The following MAOA variants were observed in gnomAD, a reference collection of about 807,000 sequenced individuals.
MAOA encodes the protein monoamine oxidase A.
A neutral mutation model predicts 42.0 loss-of-function variants in MAOA; 6 were observed. The observed-to-expected ratio is 0.14, with a 90% CI of 0.08 to 0.28. The LOEUF (loss-of-function observed/expected upper bound fraction) is 0.28. MAOA is among the 10% of genes least tolerant of loss of function. The pLI is 1.00. For missense variants in MAOA, 262 were observed against 422.3 expected (o/e 0.62, Z 3.33); for synonymous variants, 140 against 154.0 (o/e 0.91, Z 0.67).
chrX:43,720,052 G>A (rs1274297309), intron 5 of MAOA, among the ~76,000 whole-genome samples: 1 of 110,486 alleles, frequency 9.1e-6, no homozygotes, highest in African/African-American at 3.3e-5. Context: ...GGCACTGCGG[G>A]GAGACAGGGA....
At chrX:43,693,519 C>G in intron 3 of MAOA, 91 bp downstream of exon 3, 1 of 1,007,922 alleles carries the variant, frequency 9.9e-7, no homozygotes, top group Non-Finnish European at 1.4e-6. Flanking sequence ...TCTTTCAAAG[C>G]AATTGTAAAA....
At position 43,732,772 on chromosome X, in the gene MAOA, T is replaced by C. The variant is rs1157170754; in HGVS notation, c.1029T>C (p.Asp343=). The change falls in exon 9 of 15, where the codon GAT becomes GAC. Residue 343 remains aspartate (D), a synonymous_variant. Transcript: ENST00000338702. ...TAACCTTGGATGACACCAAGCCAGA[T>C]GGGTCACTGCCTGCCATCATGGGGT... ...ISITLDDTKP[D]GSLPAIMGFI... is the part of the protein sequence containing the mutation. 1 of 1,206,255 alleles carries C rather than the reference T, an allele frequency of 8.3e-7. No homozygotes were observed. Among genetic ancestry groups the C allele is most frequent in the Non-Finnish European group, 1.1e-6 (1 of 890,627 alleles).
rs1447129567 is a variant in MAOA at position 43,679,048 on chromosome X, A to T, written c.74-4465A>T. ...AAACCTTAACCCTTCAAATTCTAAG[A>T]CCTTTTAGAAACCATTTATCTGAAA... On this transcript the variant is annotated intron_variant, in intron 1 of 14. Coordinates refer to ENST00000338702, the MANE Select transcript of MAOA (RefSeq NM_000240.4). Among the ~76,000 whole-genome samples the T allele has an allele frequency of 4.5e-5, 5 of 111,623 alleles. No individual in the cohort carries two copies. The South Asian group carries it at 1.1e-3, about 25-fold the overall frequency.
chrX:43,732,834 G>A, intron 9 of MAOA, 39 bp downstream of exon 9: 1 of 940,669 alleles, frequency 1.1e-6, no homozygotes, highest in Non-Finnish European at 1.5e-6. Flanking sequence ...TCCAAATTGT[G>A]TTGATGTATT....
At chrX:43,692,616 TA>T (rs1399544319) in intron 2 of MAOA, among the ~76,000 whole-genome samples, 1,033 of 100,492 alleles carry the variant, frequency 0.01, 14 homozygotes, top group African/African-American at 0.033. Flanking sequence ...CTTTATTTAT[TA>T]AAAAAAAAAA....
chrX:43,660,812 C>T (rs1443708083), intron 1 of MAOA, among the ~76,000 whole-genome samples: 1 of 111,782 alleles, frequency 8.9e-6, no homozygotes, highest in African/African-American at 3.3e-5. Flanking sequence ...TACTCATGAG[C>T]TGCCACAGAT....
intron 2 of MAOA, among the ~76,000 whole-genome samples, chrX:43,685,097 C>T (rs1029838645): frequency 7.3e-5 from 8 of 109,969 alleles, no homozygotes; most frequent in Admixed American, 3.9e-4. Flanking sequence ...AGGCTTGTTG[C>T]GAACTCCTGA....
At chrX:43,690,703 T>C (rs746844937) in intron 2 of MAOA, among the ~76,000 whole-genome samples, 1 of 111,679 alleles carries the variant, frequency 9.0e-6, no homozygotes, top group South Asian at 3.7e-4. Flanking sequence ...TCATATCATA[T>C]GGATAGCTTA....
chrX:43,715,064 G>T (rs1424318226), intron 5 of MAOA, among the ~76,000 whole-genome samples: 2 of 110,622 alleles, frequency 1.8e-5, no homozygotes, highest in African/African-American at 6.6e-5. Context: ...ATGGGGTGAG[G>T]GAGATGGTCT....
At chrX:43,696,102 G>A (rs1368223523) in intron 3 of MAOA, among the ~76,000 whole-genome samples, 3 of 111,817 alleles carry the variant, frequency 2.7e-5, no homozygotes, top group African/African-American at 9.8e-5. Context: ...ATGAACTAAT[G>A]GAAAGACTTA....
intron 3 of MAOA, among the ~76,000 whole-genome samples, chrX:43,708,456 A>ATCT (rs2033673500): frequency 9.0e-6 from 1 of 110,686 alleles, no homozygotes; most frequent in Non-Finnish European, 1.9e-5. Flanking sequence ...GCCAAAAGAC[A>ATCT]TCTTCCAGGC....
At chrX:43,656,991 A>C (rs1295564834) in intron 1 of MAOA, among the ~76,000 whole-genome samples, 14 of 107,164 alleles carry the variant, frequency 1.3e-4, no homozygotes, top group Non-Finnish European at 1.9e-5. Context: ...TTTCCGTAGA[A>C]AATTTAGTAG....
chrX:43,693,489 G>C (rs1423816699), intron 3 of MAOA, 61 bp downstream of exon 3: 1 of 1,149,876 alleles, frequency 8.7e-7, no homozygotes. Context: ...GAAAACATTT[G>C]GTTTGTTTTT....
intron 5 of MAOA, among the ~76,000 whole-genome samples, chrX:43,727,313 G>T (rs1334935839): frequency 1.8e-5 from 2 of 112,102 alleles, no homozygotes; most frequent in Non-Finnish European, 3.8e-5. Context: ...GGAGATGGGG[G>T]TTTTATCTAT....
At chrX:43,693,029 T>G (rs2033548973) in intron 2 of MAOA, among the ~76,000 whole-genome samples, 1 of 111,763 alleles carries the variant, frequency 8.9e-6, no homozygotes, top group Non-Finnish European at 1.9e-5. Flanking sequence ...ACTACAGTGT[T>G]CTTTATCTTT....
chrX:43,711,985 T>C lies in MAOA; in HGVS notation c.411+9T>C. On this transcript the variant is annotated intron_variant, in intron 4 of 14. Coordinates refer to ENST00000338702, the MANE Select transcript of MAOA (RefSeq NM_000240.4). ...ATAACATGGGGAAGGAGGTAAAATG[T>C]GTGTTCAGTTTGCACATGACCCATT... The C allele has an allele frequency of 9.0e-7, 1 of 1,107,693 alleles. No homozygotes were observed. Among genetic ancestry groups the C allele is most frequent in the Non-Finnish European group, 1.2e-6 (1 of 800,908 alleles). 91.3% of individuals were successfully genotyped at this position (1,107,693 alleles called of 1,213,427 possible).
At chrX:43,719,305 G>A (rs1418834918) in intron 5 of MAOA, among the ~76,000 whole-genome samples, 2 of 111,143 alleles carry the variant, frequency 1.8e-5, no homozygotes, top group East Asian at 5.8e-4. Flanking sequence ...TGGCAGTAGT[G>A]GGGGTGGAGA....
Position 43,656,389 on chromosome X carries a change from A to T in MAOA, c.48A>T (p.Val16=), listed in dbSNP as rs1479640416. ...GTATCGCGGGCCACATGTTCGACGT[A>T]GTCGTGATCGGAGGTGGCATTTCAG... ...KASIAGHMFD[V]VVIGGGISGL... is the part of the protein sequence containing the mutation. Residue 16 remains valine (V), a synonymous_variant, in exon 1 of 15, where the codon GTA becomes GTT. Coordinates refer to ENST00000338702, the MANE Select transcript of MAOA (RefSeq NM_000240.4). The T allele has an allele frequency of 4.1e-6, 5 of 1,210,233 alleles. No individual in the cohort carries two copies. The East Asian group carries it at 1.2e-4, about 29-fold the overall frequency.
intron 9 of MAOA, among the ~76,000 whole-genome samples, chrX:43,733,937 T>C (rs769877784): frequency 8.0e-5 from 9 of 111,816 alleles, no homozygotes; most frequent in Non-Finnish European, 1.5e-4. Flanking sequence ...TCTAACCCTA[T>C]TGGGCAGAAG....
Sources: allele counts gnomAD v4.1 joint callset (sites outside exome capture counted in the v4.1 genomes callset), GRCh38; gene constraint gnomAD v4.1.1; transcripts MANE v1.5; gene names NCBI Gene and HGNC (gene_info 2026-07-23, HGNC 2026-07-21).